Variants in OR51B5 observed in about 807,000 individuals in gnomAD.
OR51B5 encodes the protein olfactory receptor 51B5.
For missense variants in OR51B5, 456 were observed against 374.6 expected (o/e 1.22, Z -1.79); for synonymous variants, 186 against 144.8 (o/e 1.28, Z -2.04).
rs150338878 is a variant in OR51B5, at chr11:5,377,025, G to A, written n.85-30115C>T. The stretch of plus-strand genomic sequence containing the variant: ...ACAACCAAAAAAGAGAATTTTAGAT[G>A]AATATCCCTGATGAACATCGATGCA... On this transcript the variant is annotated intron_variant and non_coding_transcript_variant, in intron 1 of 4. Coordinates refer to the OR51B5 transcript ENST00000415970. Among the ~76,000 whole-genome samples the A allele has an allele frequency of 6.4e-3, 980 of 152,094 alleles. 13 individuals are homozygous for A. The highest frequency in any genetic ancestry group is 0.023 in the African/African-American group (943 of 41,500).
intron 1 of OR51B5, among the ~76,000 whole-genome samples, chr11:5,494,697 G>C (rs1002042610): frequency 3.9e-5 from 6 of 152,112 alleles, no homozygotes; most frequent in African/African-American, 1.4e-4. Flanking sequence ...TTAAGACTGT[G>C]TTTCATCATG....
intron 1 of OR51B5, among the ~76,000 whole-genome samples, chr11:5,356,230 AT>A (rs1222739424): frequency 1.3e-5 from 2 of 152,162 alleles, no homozygotes; most frequent in Non-Finnish European, 2.9e-5. Context: ...AACCTTGAAA[AT>A]AAATTAGACT....
At chr11:5,364,768 C>G (rs1382882539) in intron 1 of OR51B5, among the ~76,000 whole-genome samples, 7 of 152,074 alleles carry the variant, frequency 4.6e-5, no homozygotes, top group Admixed American at 1.3e-4. Flanking sequence ...TTTACAGGGT[C>G]CCCCCACCCT....
chr11:5,379,481 AT>A (rs1365521593), intron 1 of OR51B5, among the ~76,000 whole-genome samples: 1 of 151,570 alleles, frequency 6.6e-6, no homozygotes, highest in African/African-American at 2.4e-5. Context: ...AATAAAATAA[AT>A]AAAAAAATAA....
intron 1 of OR51B5, chr11:5,422,522 G>A (rs868855333): frequency 1.2e-6 from 2 of 1,613,958 alleles, no homozygotes; most frequent in African/African-American, 1.3e-5. Flanking sequence ...CTTCCTTCAT[G>A]GATTCTCCTT....
intron 1 of OR51B5, among the ~76,000 whole-genome samples, chr11:5,426,961 AC>A (rs1850460144): frequency 6.6e-6 from 1 of 151,864 alleles, no homozygotes; most frequent in Non-Finnish European, 1.5e-5. Flanking sequence ...TTGAGAGATT[AC>A]CTGGGAGACA....
At chr11:5,479,310 C>T (rs1470780976) in intron 1 of OR51B5, among the ~76,000 whole-genome samples, 1 of 151,076 alleles carries the variant, frequency 6.6e-6, no homozygotes, top group African/African-American at 2.4e-5. Context: ...CAAGCAAATG[C>T]TGAGAGATTT....
chr11:5,499,519 T>C lies in OR51B5; in HGVS notation n.84+6050A>G, dbSNP rs917993781. Among the ~76,000 whole-genome samples, 47 of 152,286 alleles carry C rather than the reference T, an allele frequency of 3.1e-4. 1 individual carries two copies. Among genetic ancestry groups the C allele is most frequent in the Admixed American group, 1.2e-3 (19 of 15,294 alleles). ...TCTGAATATGCCCAGAACTTAAACTTGTCATCTCCACTTGAAGTCTAACAG... is the reference window on the plus strand; with the variant it reads ...TCTGAATATGCCCAGAACTTAAACTCGTCATCTCCACTTGAAGTCTAACAG... On this transcript the variant is annotated intron_variant and non_coding_transcript_variant, in intron 1 of 4. Transcript: ENST00000415970.
At chr11:5,488,602 A>G in intron 1 of OR51B5, 1 of 900,494 alleles carries the variant, frequency 1.1e-6, no homozygotes, top group Non-Finnish European at 1.7e-6. Flanking sequence ...AAAAAAGATT[A>G]TTTCACAGAA....
chr11:5,438,355 AC>A (rs35674866), intron 1 of OR51B5, among the ~76,000 whole-genome samples: 117,640 of 150,752 alleles, frequency 0.78, 45,873 homozygotes, highest in Non-Finnish European at 0.8. Context: ...TCATAGCAAC[AC>A]CCCCCCCCAG....
At chr11:5,394,314 A>G (rs1221241161) in intron 1 of OR51B5, among the ~76,000 whole-genome samples, 4 of 152,196 alleles carry the variant, frequency 2.6e-5, no homozygotes, top group African/African-American at 9.6e-5. Flanking sequence ...ATCTTGCCCA[A>G]TATTATACCA....
upstream of OR51B5, among the ~76,000 whole-genome samples, chr11:5,345,603 A>G (rs1848978318): frequency 6.6e-6 from 1 of 152,194 alleles, no homozygotes; most frequent in Admixed American, 6.5e-5. Context: ...GCTGAATTAG[A>G]GCAAATGCAT....
Position 5,343,057 on chromosome 11 carries a change from G to A in OR51B5, c.468C>T (p.Pro156=), listed in dbSNP as rs776489488. Reference sequence around the variant, plus strand: ...GAAAAAAATAGAGGGGCCTGATTGGGGGAACAACGGATACAAATCCCCTCA... The same window carrying A: ...GAAAAAAATAGAGGGGCCTGATTGGAGGAACAACGGATACAAATCCCCTCA... Residue 156 remains proline (P), a synonymous_variant, in exon 1 of 1, where the codon CCC becomes CCT. Coordinates refer to ENST00000300773, the Ensembl canonical transcript of OR51B5. 9.9e-6 allele frequency: 16 copies of A among 1,613,360 alleles called. No individual in the cohort carries two copies. In the Admixed American group the frequency reaches 2.3e-4, roughly 24 times the overall value.
chr11:5,483,686 T>TG (rs1051812498), intron 1 of OR51B5, among the ~76,000 whole-genome samples: 8 of 151,988 alleles, frequency 5.3e-5, no homozygotes, highest in African/African-American at 1.9e-4. Context: ...TTGCTCATTT[T>TG]TTTCTCAATT....
intron 1 of OR51B5, chr11:5,390,524 G>C: frequency 1.5e-6 from 1 of 663,994 alleles, no homozygotes. Flanking sequence ...GTCTGGAGTT[G>C]TGGCTTTAAA....
At chr11:5,376,051 C>T (rs374589977) in intron 1 of OR51B5, among the ~76,000 whole-genome samples, 253 of 152,236 alleles carry the variant, frequency 1.7e-3, no homozygotes, top group South Asian at 1.0e-2. Context: ...AAATTGACCA[C>T]ATACTTGGAA....
intron 1 of OR51B5, among the ~76,000 whole-genome samples, chr11:5,428,391 CTTTA>C (rs1386855406): frequency 6.6e-6 from 1 of 152,098 alleles, no homozygotes; most frequent in East Asian, 1.9e-4. Context: ...ATTAAAAATA[CTTTA>C]TTGTTTAAAA....
intron 1 of OR51B5, chr11:5,422,251 G>A (rs746395909): frequency 1.4e-4 from 231 of 1,613,762 alleles, no homozygotes; most frequent in Admixed American, 7.7e-4. Context: ...TCATCCTCAC[G>A]GACATCCCTG....
intron 1 of OR51B5, chr11:5,453,281 C>A (rs1453508431): frequency 7.3e-6 from 3 of 411,126 alleles, no homozygotes; most frequent in South Asian, 9.7e-5. Flanking sequence ...GCTCAGCCTG[C>A]AGGCTGATCA....
Sources: allele counts gnomAD v4.1 joint callset (sites outside exome capture counted in the v4.1 genomes callset), GRCh38; gene constraint gnomAD v4.1.1; transcripts MANE v1.5; gene names NCBI Gene and HGNC (gene_info 2026-07-23, HGNC 2026-07-21).